Variants in CCDC134 observed in about 807,000 individuals in gnomAD.
CCDC134 encodes coiled-coil domain containing 134.
CCDC134 carries 27 observed loss-of-function variants against 25.6 expected under a neutral mutation model. That is an observed-to-expected ratio of 1.05 (90% CI 0.78 to 1.45). The LOEUF is 1.45. CCDC134 is among the 40% of genes most tolerant of loss of function. The pLI is 0.00. For missense variants in CCDC134, 261 were observed against 286.7 expected (o/e 0.91, Z 0.65); for synonymous variants, 110 against 115.0 (o/e 0.96, Z 0.28).
At chr22:41,821,617 T>C (rs906028842) in intron 6 of CCDC134, among the ~76,000 whole-genome samples, 1 of 152,134 alleles carries the variant, frequency 6.6e-6, no homozygotes, top group Non-Finnish European at 1.5e-5. Context: ...TGGTTTCCAA[T>C]GTTAGTCCCT....
At chr22:41,808,629 C>T (rs1031797304) in intron 1 of CCDC134, among the ~76,000 whole-genome samples, 2 of 152,250 alleles carry the variant, frequency 1.3e-5, no homozygotes, top group Admixed American at 6.5e-5. Context: ...GCCACTGACC[C>T]TGTGCTCTAA....
intron 6 of CCDC134, among the ~76,000 whole-genome samples, chr22:41,818,330 T>C (rs2076632511): frequency 6.6e-6 from 1 of 152,156 alleles, no homozygotes; most frequent in Non-Finnish European, 1.5e-5. Flanking sequence ...GCCTAACATA[T>C]CAAAATGGCA....
chr22:41,808,465 GGCACAGTGCCT>G, intron 1 of CCDC134, among the ~76,000 whole-genome samples: 1 of 152,184 alleles, frequency 6.6e-6, no homozygotes, highest in South Asian at 2.1e-4. Context: ...CTCCTCCCCA[GGCACAGTGCCT>G]CACCCAGACC....
intron 1 of CCDC134, among the ~76,000 whole-genome samples, chr22:41,802,023 A>G (rs2076546048): frequency 6.6e-6 from 1 of 152,222 alleles, no homozygotes; most frequent in Non-Finnish European, 1.5e-5. Context: ...AGATGTCCTC[A>G]CAGAAAGATT....
rs774118199 is a variant in CCDC134, at chr22:41,809,985, C to T, written c.210C>T (p.Leu70=). ...HQQYKILDVM[L]KGLFKVLEDS... is the part of the protein sequence containing the mutation. The stretch of plus-strand genomic sequence containing the variant: ...AGTACAAGATCCTTGATGTCATGCT[C>T]AAGGGGCTCTTTAAGGTGTGTGCAG... Residue 70 remains leucine (L), a synonymous_variant, in exon 3 of 7, where the codon CTC becomes CTT. Coordinates refer to ENST00000255784, the MANE Select transcript of CCDC134 (RefSeq NM_024821.5). 3 of 1,614,108 alleles carry T rather than the reference C, an allele frequency of 1.9e-6. No individual in the cohort carries two copies. Among genetic ancestry groups the T allele is most frequent in the East Asian group, 2.2e-5 (1 of 44,874 alleles).
intron 4 of CCDC134, among the ~76,000 whole-genome samples, chr22:41,812,330 G>A (rs1040936956): frequency 3.3e-5 from 5 of 150,314 alleles, no homozygotes; most frequent in African/African-American, 1.2e-4. Flanking sequence ...GCTGAGGCAG[G>A]AGAATCACTT....
chr22:41,830,304 A>G lies in CCDC134; in HGVS notation c.*4481A>G, dbSNP rs2148326078. ...ACTGAGCCTTCAGTTGTACCCCTTC[A>G]GTCCACTTGGCGAGGCATCACGCCC... On this transcript the variant is annotated 3_prime_UTR_variant, in exon 7 of 7. Coordinates refer to ENST00000255784, the MANE Select transcript of CCDC134 (RefSeq NM_024821.5). Among the ~76,000 whole-genome samples, 1 of 152,332 alleles carries G rather than the reference A, an allele frequency of 6.6e-6. No individual in the cohort carries two copies. Among genetic ancestry groups the G allele is most frequent in the South Asian group, 2.1e-4 (1 of 4,826 alleles).
intron 6 of CCDC134, among the ~76,000 whole-genome samples, chr22:41,821,096 A>C (rs2148318795): frequency 6.6e-6 from 1 of 152,288 alleles, no homozygotes; most frequent in East Asian, 1.9e-4. Flanking sequence ...AAGCGTTAGA[A>C]GTAGGGAGGG....
intron 3 of CCDC134, 81 bp from the exon 4 acceptor site, chr22:41,810,126 A>T: frequency 6.3e-7 from 1 of 1,592,556 alleles, no homozygotes; most frequent in Non-Finnish European, 8.6e-7. Flanking sequence ...TAAGACTTGA[A>T]GTGGGGTTTA....
At position 41,828,695 on chromosome 22, in the gene CCDC134, C is replaced by T. The variant is rs947581628; in HGVS notation, c.*2872C>T. On this transcript the variant is annotated 3_prime_UTR_variant, in exon 7 of 7. Coordinates refer to ENST00000255784, the MANE Select transcript of CCDC134 (RefSeq NM_024821.5). The stretch of plus-strand genomic sequence containing the variant: ...CCCCTGAGCTGTAAAGGCCCTAGGG[C>T]ACATGTTTGTCCAGCTGCCTCTTGC... Among the ~76,000 whole-genome samples, 6 of 148,576 alleles carry T rather than the reference C, an allele frequency of 4.0e-5. No individual in the cohort carries two copies. Among genetic ancestry groups the T allele is most frequent in the African/African-American group, 1.5e-4 (6 of 41,174 alleles).
chr22:41,813,994 C>A (rs886863426), intron 6 of CCDC134, among the ~76,000 whole-genome samples, 172 bp downstream of exon 6: 8 of 152,174 alleles, frequency 5.3e-5, no homozygotes, highest in African/African-American at 7.2e-5. Context: ...AGTCATTGCT[C>A]CCCTCTTAGC....
chr22:41,823,109 C>T (rs764478400), intron 6 of CCDC134, among the ~76,000 whole-genome samples: 2 of 152,046 alleles, frequency 1.3e-5, no homozygotes, highest in Non-Finnish European at 2.9e-5. Flanking sequence ...TTCTTGGAAA[C>T]TGTGACTTTA....
Position 41,830,761 on chromosome 22 carries a change from C to T in CCDC134, c.*4938C>T, listed in dbSNP as rs2076701927. Among the ~76,000 whole-genome samples the T allele has an allele frequency of 6.6e-6, 1 of 152,100 alleles. No homozygotes were observed. The highest frequency in any genetic ancestry group is 1.5e-5 in the Non-Finnish European group (1 of 68,018). ...GCCAAAAAGAAAGTAAAATTCACTC[C>T]AAAAGTAAAATTCACCCCAAATCTC... On this transcript the variant is annotated 3_prime_UTR_variant, in exon 7 of 7. Coordinates refer to ENST00000255784, the MANE Select transcript of CCDC134 (RefSeq NM_024821.5).
intron 4 of CCDC134, 25 bp from the exon 5 acceptor site, chr22:41,813,239 C>G (rs758992671): frequency 1.2e-6 from 2 of 1,612,792 alleles, no homozygotes; most frequent in Non-Finnish European, 1.7e-6. Flanking sequence ...TCTGCCCTGG[C>G]CACTCATCAG....
Position 41,829,326 on chromosome 22 carries a change from T to G in CCDC134, c.*3503T>G, listed in dbSNP as rs1336849203. On this transcript the variant is annotated 3_prime_UTR_variant, in exon 7 of 7. Transcript: ENST00000255784. ...GTCTGAGCTGACTCTCTCTTCCGGA[T>G]TCTTCTTTCCTCACCTGCCCCCGTT... Among the ~76,000 whole-genome samples the G allele has an allele frequency of 6.6e-6, 1 of 152,226 alleles. No homozygotes were observed. The highest frequency in any genetic ancestry group is 1.5e-5 in the Non-Finnish European group (1 of 68,040).
rs751793550 is a variant in CCDC134, at chr22:41,810,008, C to T, written c.225+8C>T. 1.9e-6 allele frequency: 3 copies of T among 1,613,898 alleles called. No individual in the cohort carries two copies. Among genetic ancestry groups the T allele is most frequent in the African/African-American group, 2.7e-5 (2 of 75,014 alleles). The stretch of plus-strand genomic sequence containing the variant: ...CTCAAGGGGCTCTTTAAGGTGTGTG[C>T]AGGCAGGGGGCAGCTCATGGCAGGT... On this transcript the variant is annotated splice_region_variant and intron_variant, in intron 3 of 6. Transcript: ENST00000255784.
intron 4 of CCDC134, among the ~76,000 whole-genome samples, chr22:41,811,944 G>A (rs889691912): frequency 6.6e-6 from 1 of 152,116 alleles, no homozygotes; most frequent in African/African-American, 2.4e-5. Flanking sequence ...ATGGTGCCAC[G>A]CTTGTCTTGC....
intron 6 of CCDC134, among the ~76,000 whole-genome samples, chr22:41,819,996 T>TAG (rs1556021008): frequency 3.8e-5 from 5 of 132,366 alleles, no homozygotes; most frequent in African/African-American, 1.5e-4. Context: ...TATATATATA[T>TAG]ATAATTTTTT....
intron 6 of CCDC134, among the ~76,000 whole-genome samples, chr22:41,818,814 CAT>C (rs767913595): frequency 3.9e-5 from 6 of 152,224 alleles, no homozygotes; most frequent in South Asian, 2.1e-4. Context: ...AGCAAGAAAA[CAT>C]GTGTGGACAC....
Sources: gnomAD v4.1 joint callset for allele counts (sites outside exome capture counted in the v4.1 genomes callset) on GRCh38, gnomAD v4.1.1 for gene constraint, MANE v1.5 for transcripts, NCBI Gene and HGNC (gene_info 2026-07-23, HGNC 2026-07-21) for gene names.